Variants in NLGN1 observed in about 807,000 individuals in gnomAD.
The protein encoded by NLGN1 is neuroligin-1.
NLGN1 carries 12 observed loss-of-function variants against 65.5 expected under a neutral mutation model. The observed-to-expected ratio is 0.18, with a 90% confidence interval of 0.12 to 0.30. NLGN1 has a LOEUF of 0.30. Among genes scored for constraint, NLGN1 ranks in the 10% least tolerant of loss-of-function variants. The pLI is 1.00. For synonymous variants in NLGN1, 350 were observed against 359.5 expected, an observed-to-expected ratio of 0.97 and a Z score of 0.30; for missense variants, 750 against 1,007.1, an observed-to-expected ratio of 0.74 and a Z score of 3.46.
At chr3:173,909,917 T>A (rs547148427) in intron 4 of NLGN1, among the ~76,000 whole-genome samples, 3 of 152,204 alleles carry the variant, frequency 2.0e-5, no homozygotes, top group Admixed American at 6.5e-5. Flanking sequence ...ACCTTAGGTG[T>A]TCCACCCTAC....
chr3:174,109,060 G>A (rs1714621405), intron 4 of NLGN1, among the ~76,000 whole-genome samples: 1 of 151,748 alleles, frequency 6.6e-6, no homozygotes, highest in East Asian at 1.9e-4. Context: ...AAAAGATACA[G>A]GCTAAATATT....
chr3:174,027,066 T>TA (rs3035805), intron 4 of NLGN1, among the ~76,000 whole-genome samples: 5 of 149,324 alleles, frequency 3.3e-5, no homozygotes, highest in African/African-American at 4.9e-5. Context: ...TCAATTTTTT[T>TA]AAAAAAAAAA....
chr3:174,262,294 G>A (rs1464697910), intron 4 of NLGN1, among the ~76,000 whole-genome samples: 5 of 92,006 alleles, frequency 5.4e-5, no homozygotes, highest in Non-Finnish European at 1.0e-4. Context: ...GGTAGAATTC[G>A]GCTGTGAATC....
chr3:173,613,951 G>C (rs976038267), intron 3 of NLGN1, among the ~76,000 whole-genome samples: 1 of 151,202 alleles, frequency 6.6e-6, no homozygotes, highest in Non-Finnish European at 1.5e-5. Context: ...AGGAATGAAG[G>C]AGGGAGTCTT....
At chr3:173,662,100 G>T (rs1761010299) in intron 3 of NLGN1, among the ~76,000 whole-genome samples, 1 of 151,922 alleles carries the variant, frequency 6.6e-6, no homozygotes, top group African/African-American at 2.4e-5. Context: ...CCCTTCCACT[G>T]AAGGATAAAC....
At chr3:173,442,964 A>G (rs1305081567) in intron 2 of NLGN1, among the ~76,000 whole-genome samples, 1 of 152,174 alleles carries the variant, frequency 6.6e-6, no homozygotes, top group African/African-American at 2.4e-5. Flanking sequence ...CAACCAGTTT[A>G]CGGAAATGAC....
chr3:174,290,146 C>T (rs1752598907), downstream of NLGN1, among the ~76,000 whole-genome samples: 1 of 150,458 alleles, frequency 6.6e-6, no homozygotes, highest in Non-Finnish European at 1.5e-5. Flanking sequence ...TGTTTACAGA[C>T]TTTAGGTGAG....
chr3:174,146,237 G>T (rs989424761), intron 4 of NLGN1, among the ~76,000 whole-genome samples: 1 of 149,982 alleles, frequency 6.7e-6, no homozygotes, highest in African/African-American at 2.5e-5. Context: ...GGATATACAA[G>T]ACATATGTAT....
chr3:173,855,781 G>A (rs1727833946), intron 4 of NLGN1, among the ~76,000 whole-genome samples: 1 of 152,088 alleles, frequency 6.6e-6, no homozygotes, highest in South Asian at 2.1e-4. Flanking sequence ...GCCTCCAGTA[G>A]AGGCAAGGCG....
intron 4 of NLGN1, among the ~76,000 whole-genome samples, chr3:174,272,661 G>GATAGATAGATAGATAGATA (rs1561444849): frequency 1.9e-5 from 2 of 105,416 alleles, no homozygotes; most frequent in African/African-American, 6.9e-5. Flanking sequence ...ATGGATGGAT[G>GATAGATAGATAGATAGATA]GATGGATAGA....
chr3:173,666,158 G>T (rs1761661464), intron 3 of NLGN1, among the ~76,000 whole-genome samples: 1 of 152,012 alleles, frequency 6.6e-6, no homozygotes, highest in Non-Finnish European at 1.5e-5. Flanking sequence ...TTGACTTTGA[G>T]TTCCTGATAA....
intron 3 of NLGN1, among the ~76,000 whole-genome samples, chr3:173,721,038 G>A (rs901667188): frequency 6.6e-6 from 1 of 152,172 alleles, no homozygotes; most frequent in Non-Finnish European, 1.5e-5. Flanking sequence ...TGAAGGCTCT[G>A]CTTTTTATTA....
At chr3:173,858,870 C>T (rs114319492) in intron 4 of NLGN1, among the ~76,000 whole-genome samples, 1,756 of 152,186 alleles carry the variant, frequency 0.012, 26 homozygotes, top group African/African-American at 0.039. Context: ...ATCTTCAAAT[C>T]ATTTACTCGT....
chr3:174,105,266 A>G (rs757027197), intron 4 of NLGN1, among the ~76,000 whole-genome samples: 21 of 152,100 alleles, frequency 1.4e-4, no homozygotes, highest in Non-Finnish European at 5.9e-5. Context: ...GCTGGCTGAC[A>G]TGGTGGCTCA....
chr3:174,050,389 CT>C (rs1168987837), intron 4 of NLGN1, among the ~76,000 whole-genome samples: 1 of 151,790 alleles, frequency 6.6e-6, no homozygotes. Context: ...GAAATTTGGA[CT>C]TTGAAACATT....
At chr3:173,555,535 A>C (rs1409790328) in intron 2 of NLGN1, among the ~76,000 whole-genome samples, 1 of 152,126 alleles carries the variant, frequency 6.6e-6, no homozygotes, top group African/African-American at 2.4e-5. Context: ...CCTGAAGTGC[A>C]GTGGCATGAT....
chr3:173,415,943 A>AGAGAGAGAGCGCGC (rs141095727), intron 1 of NLGN1, among the ~76,000 whole-genome samples: 57 of 142,860 alleles, frequency 4.0e-4, no homozygotes, highest in African/African-American at 1.5e-3. Flanking sequence ...AGAGAGAGAG[A>AGAGAGAGAGCGCGC]GCTTGGTATA....
intron 4 of NLGN1, among the ~76,000 whole-genome samples, chr3:174,234,912 T>G (rs1741392997): frequency 6.6e-6 from 1 of 151,654 alleles, no homozygotes; most frequent in South Asian, 2.1e-4. Flanking sequence ...TATTTTGAAT[T>G]TTTTGATACT....
chr3:173,978,775 C>T (rs970750918), intron 4 of NLGN1, among the ~76,000 whole-genome samples: 2 of 146,682 alleles, frequency 1.4e-5, no homozygotes, highest in African/African-American at 5.1e-5. Flanking sequence ...GTGGGTGGAT[C>T]ACTTGAGGTC....
Sources: gnomAD v4.1 joint callset for allele counts (sites outside exome capture counted in the v4.1 genomes callset) on GRCh38, gnomAD v4.1.1 for gene constraint, MANE v1.5 for transcripts, NCBI Gene and HGNC (gene_info 2026-07-23, HGNC 2026-07-21) for gene names.